The following DNAH14 variants were observed in gnomAD, a reference collection of about 807,000 sequenced individuals.
DNAH14 encodes the protein dynein axonemal heavy chain 14, also known as axonemal beta dynein heavy chain 14.
DNAH14 carries 478 observed loss-of-function variants against 520.9 expected under a neutral mutation model. The ratio of observed to expected loss-of-function variants is 0.92; its 90% confidence interval spans 0.85 to 0.99. The LOEUF is 0.99. DNAH14 is among the 50% of genes least tolerant of loss of function. DNAH14 has a pLI of 0.00. For synonymous variants in DNAH14, 1,581 were observed against 1,757.2 expected (o/e 0.90, Z 2.51); for missense variants, 4,831 against 5,234.5 (o/e 0.92, Z 2.38).
At chr1:225,337,190 C>G (rs940111833) in intron 66 of DNAH14, 76 bp from the exon 67 acceptor site, 1 of 1,188,196 alleles carries the variant, frequency 8.4e-7, no homozygotes, top group African/African-American at 1.5e-5. Context: ...TCTGTAGGAT[C>G]TTTTAGTACC....
chr1:225,020,583 C>G (rs2065609408), intron 10 of DNAH14, among the ~76,000 whole-genome samples: 1 of 150,458 alleles, frequency 6.6e-6, no homozygotes. Context: ...AATTAAATTC[C>G]TGGAAACACA....
intron 12 of DNAH14, among the ~76,000 whole-genome samples, chr1:225,042,167 G>A (rs1028443642): frequency 6.6e-6 from 1 of 152,164 alleles, no homozygotes; most frequent in African/African-American, 2.4e-5. Flanking sequence ...AGAGGTTAAG[G>A]TTCCAGCAGA....
intron 3 of DNAH14, among the ~76,000 whole-genome samples, chr1:224,956,998 T>G (rs944187751): frequency 8.5e-5 from 13 of 152,296 alleles, no homozygotes; most frequent in African/African-American, 2.9e-4. Flanking sequence ...TTTGTCATTA[T>G]ACTTTGAAGA....
chr1:225,260,837 C>T (rs2092911709), intron 46 of DNAH14, among the ~76,000 whole-genome samples: 1 of 152,082 alleles, frequency 6.6e-6, no homozygotes, highest in South Asian at 2.1e-4. Flanking sequence ...TTATAGTTTT[C>T]AATATACAGA....
chr1:225,194,598 G>C (rs1011181301), intron 38 of DNAH14, among the ~76,000 whole-genome samples: 1 of 151,864 alleles, frequency 6.6e-6, no homozygotes, highest in East Asian at 1.9e-4. Context: ...AAATCATTCT[G>C]TATATGTGCC....
intron 8 of DNAH14, among the ~76,000 whole-genome samples, chr1:224,996,257 A>G (rs1382903018): frequency 6.6e-6 from 1 of 151,842 alleles, no homozygotes; most frequent in African/African-American, 2.4e-5. Flanking sequence ...TCCTGGGCTC[A>G]AGCAATCCTC....
In DNAH14 at chr1:225,374,787, G is replaced by A. The variant is rs2095675222; in HGVS notation, c.12418G>A (p.Val4140Met). The A allele has an allele frequency of 6.4e-7, 1 of 1,551,578 alleles. No individual in the cohort carries two copies. The highest frequency in any genetic ancestry group is 2.0e-5 in the Admixed American group (1 of 50,988). Residue 4140 changes from valine to methionine, a missense_variant, in exon 78 of 86, where the codon GTG becomes ATG. Val to Met is a conservative substitution (Grantham distance 21). Transcript: ENST00000682510. ...LIGEVIYGGR[V>M]IDNWDKRCLK... is the part of the protein sequence containing the mutation. ...TGGAGAAGTGATTTACGGTGGCCGG[G>A]TGATTGATAATTGGGACAAGCGATG...
chr1:225,231,182 T>C (rs1391274105), intron 42 of DNAH14, 31 bp downstream of exon 42: 3 of 1,470,300 alleles, frequency 2.0e-6, no homozygotes, highest in Non-Finnish European at 2.8e-6. Context: ...AAACATGTTT[T>C]AATAACCATT....
chr1:225,293,404 A>C (rs550177026), intron 55 of DNAH14, among the ~76,000 whole-genome samples: 1 of 152,324 alleles, frequency 6.6e-6, no homozygotes, highest in African/African-American at 2.4e-5. Context: ...CACAATAGCA[A>C]AGACATGAAA....
At chr1:225,188,731 T>C (rs1291758706) in intron 37 of DNAH14, among the ~76,000 whole-genome samples, 1 of 151,992 alleles carries the variant, frequency 6.6e-6, no homozygotes, top group African/African-American at 2.4e-5. Context: ...GAAAAGGCCA[T>C]TGGAATTTTG....
At chr1:225,256,794 A>G (rs1340404936) in intron 44 of DNAH14, among the ~76,000 whole-genome samples, 1 of 152,192 alleles carries the variant, frequency 6.6e-6, no homozygotes, top group Admixed American at 6.5e-5. Context: ...CAAATATAAT[A>G]ATCAGAGTAC....
intron 34 of DNAH14, among the ~76,000 whole-genome samples, chr1:225,155,047 C>T (rs996632453): frequency 2.0e-5 from 3 of 152,090 alleles, no homozygotes; most frequent in South Asian, 2.1e-4. Context: ...CAACCCCACA[C>T]GTAATGAAAG....
At chr1:225,368,922 T>C (rs1490434497) in intron 77 of DNAH14, among the ~76,000 whole-genome samples, 1 of 152,176 alleles carries the variant, frequency 6.6e-6, no homozygotes, top group Non-Finnish European at 1.5e-5. Flanking sequence ...TTGGGATATT[T>C]ATTTAAAAGT....
rs2087670928 is a variant in DNAH14, at chr1:225,207,067, A to T, written c.6286A>T (p.Ile2096Phe). Residue 2096 changes from isoleucine (I) to phenylalanine (F), a missense_variant, in exon 41 of 86, where the codon ATT (isoleucine) becomes TTT (phenylalanine). Physicochemically the swap from Ile to Phe is conservative, Grantham distance 21. Coordinates refer to ENST00000682510, the MANE Select transcript of DNAH14 (RefSeq NM_001367479.1). ...AGGAGTGGATTGTCTTGAATTCATG[A>T]TTAAAAATAGTGTCACAGACGGACT... ...QSGVDCLEFM[I>F]KNSVTDGLQF... 1.3e-6 allele frequency: 2 copies of T among 1,550,766 alleles called. No individual in the cohort carries two copies. Among genetic ancestry groups the T allele is most frequent in the Non-Finnish European group, 1.7e-6 (2 of 1,146,602 alleles).
chr1:225,318,818 A>G, intron 61 of DNAH14, 141 bp downstream of exon 61: 1 of 806,894 alleles, frequency 1.2e-6, no homozygotes, highest in South Asian at 2.1e-5. Flanking sequence ...TTTTTTACCC[A>G]TCTTGGTTAC....
intron 60 of DNAH14, 137 bp downstream of exon 60, chr1:225,308,547 A>G: frequency 2.2e-6 from 2 of 890,006 alleles, no homozygotes; most frequent in Non-Finnish European, 3.3e-6. Flanking sequence ...TGTAATTCCA[A>G]CAACTATTTA....
intron 17 of DNAH14, among the ~76,000 whole-genome samples, chr1:225,061,103 C>T (rs2070011482): frequency 6.6e-6 from 1 of 152,198 alleles, no homozygotes; most frequent in South Asian, 2.1e-4. Flanking sequence ...CTATGCCCTG[C>T]CCCCAGAGGT....
intron 38 of DNAH14, among the ~76,000 whole-genome samples, chr1:225,193,657 T>A (rs2085738235): frequency 6.6e-6 from 1 of 152,140 alleles, no homozygotes; most frequent in Admixed American, 6.6e-5. Context: ...GGATGCCCAC[T>A]ATCACTACTC....
intron 11 of DNAH14, among the ~76,000 whole-genome samples, chr1:225,037,757 A>C (rs1385042276): frequency 3.3e-5 from 5 of 152,180 alleles, no homozygotes; most frequent in African/African-American, 1.2e-4. Context: ...ATCTTGGCTC[A>C]CCACAATCTC....
Sources: allele counts gnomAD v4.1 joint callset (sites outside exome capture counted in the v4.1 genomes callset), GRCh38; gene constraint gnomAD v4.1.1; transcripts MANE v1.5; gene names NCBI Gene and HGNC (gene_info 2026-07-23, HGNC 2026-07-21).